The following FAM168A variants were observed in gnomAD, a reference collection of about 807,000 sequenced individuals.
The protein encoded by FAM168A is protein FAM168A.
Under a neutral mutation model 28.5 loss-of-function variants are expected in FAM168A, and 3 were observed. The observed-to-expected ratio is 0.11, with a 90% CI of 0.05 to 0.27. The LOEUF is 0.27. FAM168A is among the 10% of genes least tolerant of loss of function. FAM168A has a pLI of 1.00. For missense variants in FAM168A, 222 were observed against 311.5 expected (o/e 0.71, Z 2.16); for synonymous variants, 122 against 124.2 (o/e 0.98, Z 0.12).
In FAM168A at chr11:73,547,421, G is replaced by T. The variant is rs76693077; in HGVS notation, c.-19+50502C>A. On this transcript the variant is annotated intron_variant, in intron 1 of 7. Transcript: ENST00000356467. ...GCTGTTGGTGGGAACATAAAATGGT[G>T]CTGCTGCTATTGAAAATAGTATATC... Among the ~76,000 whole-genome samples, 668 of 152,174 alleles carry T rather than the reference G, an allele frequency of 4.4e-3. 1 individual carries two copies. The highest frequency in any genetic ancestry group is 0.015 in the African/African-American group (632 of 41,528).
chr11:73,478,615 T>C (rs1160774795), intron 1 of FAM168A, among the ~76,000 whole-genome samples: 1 of 152,162 alleles, frequency 6.6e-6, no homozygotes, highest in African/African-American at 2.4e-5. Flanking sequence ...AAATTATACC[T>C]CAATAAAGCT....
intron 1 of FAM168A, among the ~76,000 whole-genome samples, chr11:73,521,310 T>C (rs539134750): frequency 2.4e-4 from 36 of 152,224 alleles, no homozygotes; most frequent in African/African-American, 8.2e-4. Context: ...GTGTGTACTA[T>C]TGTTGCAACT....
chr11:73,509,175 G>T (rs1855170425), intron 1 of FAM168A, among the ~76,000 whole-genome samples: 2 of 152,206 alleles, frequency 1.3e-5, no homozygotes, highest in Non-Finnish European at 2.9e-5. Context: ...TAGTAACTAA[G>T]GACCAGAGAG....
intron 3 of FAM168A, among the ~76,000 whole-genome samples, chr11:73,427,996 T>C (rs1030844376): frequency 1.3e-5 from 2 of 152,304 alleles, no homozygotes; most frequent in East Asian, 3.9e-4. Flanking sequence ...TCTACTCCCC[T>C]CTGTCTCAGC....
chr11:73,582,213 G>A (rs547468771), intron 1 of FAM168A, among the ~76,000 whole-genome samples: 1 of 151,994 alleles, frequency 6.6e-6, no homozygotes, highest in South Asian at 2.1e-4. Flanking sequence ...ATATTTTGGG[G>A]AATCCTAATT....
intron 1 of FAM168A, among the ~76,000 whole-genome samples, chr11:73,570,098 G>A (rs7128980): frequency 0.073 from 11,038 of 152,174 alleles, 1,193 homozygotes; most frequent in African/African-American, 0.23. Context: ...TATCTTTCAT[G>A]TATACCTACA....
At chr11:73,417,608 G>A (rs1252292995) in intron 4 of FAM168A, among the ~76,000 whole-genome samples, 2 of 140,198 alleles carry the variant, frequency 1.4e-5, no homozygotes, top group African/African-American at 2.7e-5. Flanking sequence ...TGCCCAGGCT[G>A]TAGTGCAATG....
intron 1 of FAM168A, among the ~76,000 whole-genome samples, chr11:73,495,642 T>C (rs1282893141): frequency 6.6e-6 from 1 of 152,154 alleles, no homozygotes; most frequent in African/African-American, 2.4e-5. Flanking sequence ...TCCAAAGATA[T>C]ACAAATGACC....
chr11:73,568,886 C>CA (rs373953334), intron 1 of FAM168A, among the ~76,000 whole-genome samples: 3,416 of 151,772 alleles, frequency 0.023, 55 homozygotes, highest in Non-Finnish European at 0.034. Context: ...CTCAAAAAAA[C>CA]AAAAAAACAA....
chr11:73,550,696 A>T (rs1943817156), intron 1 of FAM168A, among the ~76,000 whole-genome samples: 1 of 151,784 alleles, frequency 6.6e-6, no homozygotes, highest in Admixed American at 6.6e-5. Flanking sequence ...ATATTTTTTT[A>T]AAAGGAGGGT....
intron 2 of FAM168A, among the ~76,000 whole-genome samples, chr11:73,440,207 C>A (rs1867169008): frequency 6.6e-6 from 1 of 152,058 alleles, no homozygotes; most frequent in South Asian, 2.1e-4. Flanking sequence ...TCTACTGTTC[C>A]ATTTAAAGAG....
intron 2 of FAM168A, among the ~76,000 whole-genome samples, chr11:73,438,335 G>C (rs1565244468): frequency 1.3e-5 from 2 of 152,234 alleles, no homozygotes. Flanking sequence ...GTTTAGAATA[G>C]TTGGGAAAGG....
chr11:73,507,199 A>G (rs920988112), intron 1 of FAM168A, among the ~76,000 whole-genome samples: 1 of 152,178 alleles, frequency 6.6e-6, no homozygotes, highest in Non-Finnish European at 1.5e-5. Context: ...AATTGTGTTC[A>G]TATCTTTTTC....
intron 1 of FAM168A, among the ~76,000 whole-genome samples, chr11:73,549,364 C>A (rs1943798657): frequency 6.6e-6 from 1 of 152,142 alleles, no homozygotes; most frequent in Non-Finnish European, 1.5e-5. Context: ...CCATTCATAG[C>A]TGTTTAAATT....
intron 1 of FAM168A, among the ~76,000 whole-genome samples, chr11:73,481,463 A>C (rs1177144896): frequency 2.6e-5 from 4 of 152,162 alleles, no homozygotes; most frequent in Admixed American, 2.6e-4. Flanking sequence ...CAGAATTATA[A>C]TTTGCTAGAA....
chr11:73,592,030 AAAAG>A (rs1238721450), intron 1 of FAM168A, among the ~76,000 whole-genome samples: 2 of 152,230 alleles, frequency 1.3e-5, no homozygotes, highest in East Asian at 3.8e-4. Flanking sequence ...CAGAGGCTAG[AAAAG>A]AAATACAAGT....
At chr11:73,420,870 G>A (rs1444432925) in intron 3 of FAM168A, 5 of 152,628 alleles carry the variant, frequency 3.3e-5, no homozygotes, top group African/African-American at 1.2e-4. Flanking sequence ...TAGAAATGGG[G>A]AGTGACTCAA....
intron 1 of FAM168A, among the ~76,000 whole-genome samples, chr11:73,469,117 C>T (rs1429877617): frequency 6.6e-6 from 1 of 152,204 alleles, no homozygotes; most frequent in Admixed American, 6.5e-5. Flanking sequence ...GCTAGGATTT[C>T]TCTCCAAATT....
At chr11:73,498,237 CT>C (rs1854934234) in intron 1 of FAM168A, among the ~76,000 whole-genome samples, 2 of 152,136 alleles carry the variant, frequency 1.3e-5, no homozygotes. Flanking sequence ...TCAAAATTGA[CT>C]AGAAGGCTGG....
Sources: gnomAD v4.1 joint callset for allele counts (sites outside exome capture counted in the v4.1 genomes callset) on GRCh38, gnomAD v4.1.1 for gene constraint, MANE v1.5 for transcripts, NCBI Gene and HGNC (gene_info 2026-07-23, HGNC 2026-07-21) for gene names.